KYAT1: variants seen among roughly 807,000 people sequenced by gnomAD.
The protein encoded by KYAT1 is kynurenine aminotransferase 1, also known as kynurenine--oxoglutarate transaminase 1.
Under a neutral mutation model 52.4 loss-of-function variants are expected in KYAT1, and 47 were observed. The observed-to-expected ratio is 0.90, with a 90% CI of 0.71 to 1.14. The LOEUF is 1.14. Ranked by LOEUF, KYAT1 falls within the 50% of genes most tolerant of loss-of-function variation. The pLI is 0.00. For missense variants in KYAT1, 480 were observed against 557.9 expected, an observed-to-expected ratio of 0.86 and a Z score of 1.41; for synonymous variants, 212 against 209.6, an observed-to-expected ratio of 1.01 and a Z score of -0.10.
chr9:128,835,422 C>T lies in KYAT1; in HGVS notation c.1043-20G>A, dbSNP rs749938698. Reference sequence around the variant, plus strand: ...TCCTCTCTGGGAGACAGAGGCCACACTGAGCCCCCTGCAGCCTCCAGCCCC... The same window carrying T: ...TCCTCTCTGGGAGACAGAGGCCACATTGAGCCCCCTGCAGCCTCCAGCCCC... On this transcript the variant is annotated intron_variant, in intron 10 of 12. Coordinates refer to ENST00000302586, the MANE Select transcript of KYAT1 (RefSeq NM_004059.5). 1.1e-5 allele frequency: 17 copies of T among 1,613,678 alleles called. No homozygotes were observed. The African/African-American group carries it at 2.1e-4, about 20-fold the overall frequency.
At chr9:128,869,828 A>T (rs1046963373) in intron 1 of KYAT1, among the ~76,000 whole-genome samples, 3 of 150,562 alleles carry the variant, frequency 2.0e-5, no homozygotes, top group African/African-American at 7.3e-5. Flanking sequence ...ATCTTAGCTC[A>T]CTGCAACCTC....
intron 5 of KYAT1, 97 bp downstream of exon 5, chr9:128,837,954 T>C (rs1831423771): frequency 6.7e-7 from 1 of 1,499,572 alleles, no homozygotes. Flanking sequence ...AGGAACTGGC[T>C]TCCTTCACTT....
chr9:128,878,001 A>G (rs1838276916), intron 1 of KYAT1, among the ~76,000 whole-genome samples: 1 of 152,174 alleles, frequency 6.6e-6, no homozygotes, highest in African/African-American at 2.4e-5. Context: ...TAAACTAGCT[A>G]TGGGACCTTG....
intron 1 of KYAT1, among the ~76,000 whole-genome samples, chr9:128,881,265 T>C (rs1838845443): frequency 6.6e-6 from 1 of 151,982 alleles, no homozygotes; most frequent in African/African-American, 2.4e-5. Flanking sequence ...GTATTTTTAG[T>C]AGAGATGAGG....
At chr9:128,846,625 A>AT in intron 1 of KYAT1, 14 of 843,964 alleles carry the variant, frequency 1.7e-5, no homozygotes, top group South Asian at 2.5e-5. Flanking sequence ...AAAAAAAAAA[A>AT]GAAAGAAAGA....
chr9:128,854,810 G>A (rs1332184491), intron 1 of KYAT1, among the ~76,000 whole-genome samples: 1 of 151,976 alleles, frequency 6.6e-6, no homozygotes, highest in South Asian at 2.1e-4. Flanking sequence ...ACAGATGACC[G>A]CGGCCCTGCC....
At chr9:128,862,276 C>T (rs1308131384) in intron 1 of KYAT1, among the ~76,000 whole-genome samples, 3 of 152,166 alleles carry the variant, frequency 2.0e-5, no homozygotes, top group African/African-American at 7.2e-5. Context: ...GCTGGGATTA[C>T]AAATGTGAGC....
In KYAT1 at chr9:128,836,893, C is replaced by T; in HGVS notation, c.597G>A (p.Val199=). 6.2e-7 allele frequency: 1 copy of T among 1,613,646 alleles called. No homozygotes were observed. Among genetic ancestry groups the T allele is most frequent in the Non-Finnish European group, 8.5e-7 (1 of 1,179,976 alleles). ...KVFSREELEL[V]ASLCQQHDVV... is the part of the protein sequence containing the mutation. Reference sequence around the variant, plus strand: ...CGTCATGCTGCTGGCAAAGGCTGGCCACCAGCTCCAGCTCTTCCCTGGAGA... The same window carrying T: ...CGTCATGCTGCTGGCAAAGGCTGGCTACCAGCTCCAGCTCTTCCCTGGAGA... The change falls in exon 7 of 13, where the codon GTG becomes GTA. Residue 199 remains valine, a synonymous_variant. Coordinates refer to ENST00000302586, the MANE Select transcript of KYAT1 (RefSeq NM_004059.5).
At chr9:128,840,624 T>G (rs1346003555) in intron 3 of KYAT1, 2 of 443,978 alleles carry the variant, frequency 4.5e-6, no homozygotes, top group African/African-American at 4.2e-5. Flanking sequence ...AATGATTTTT[T>G]TTTTTTTTGG....
At chr9:128,878,488 G>A (rs748922272) in intron 1 of KYAT1, among the ~76,000 whole-genome samples, 11 of 151,980 alleles carry the variant, frequency 7.2e-5, no homozygotes, top group Non-Finnish European at 1.2e-4. Flanking sequence ...TAGTAACCAA[G>A]CAAAATGAAA....
intron 11 of KYAT1, 34 bp downstream of exon 11, chr9:128,835,289 C>T: frequency 6.3e-7 from 1 of 1,582,832 alleles, no homozygotes; most frequent in Non-Finnish European, 8.7e-7. Flanking sequence ...ACCTGTGAAA[C>T]CATACATGGC....
At position 128,835,983 on chromosome 9, in the gene KYAT1, C is replaced by T. The variant is rs1385880605; in HGVS notation, c.765+14G>A. The T allele has an allele frequency of 3.1e-6, 5 of 1,610,298 alleles. No homozygotes were observed. Among genetic ancestry groups the T allele is most frequent in the Non-Finnish European group, 4.2e-6 (5 of 1,176,770 alleles). On this transcript the variant is annotated intron_variant, in intron 8 of 12. Coordinates refer to ENST00000302586, the MANE Select transcript of KYAT1 (RefSeq NM_004059.5). ...CTTGCAGGGGGTGGTGACCTCCCAC[C>T]CTCAGCAACTCACCTTCCAGCCAGT... is the stretch of plus-strand genomic sequence containing the variant.
At chr9:128,856,267 A>T (rs1192522036) in intron 1 of KYAT1, among the ~76,000 whole-genome samples, 1 of 152,222 alleles carries the variant, frequency 6.6e-6, no homozygotes, top group Non-Finnish European at 1.5e-5. Context: ...GGCCTCACAA[A>T]TCTTAACCCC....
At chr9:128,863,867 G>C (rs1229033880) in intron 1 of KYAT1, among the ~76,000 whole-genome samples, 1 of 152,134 alleles carries the variant, frequency 6.6e-6, no homozygotes, top group Non-Finnish European at 1.5e-5. Context: ...AAAGCAGGGA[G>C]GGTGCTGCTC....
Position 128,838,314 on chromosome 9 carries a change from A to C in KYAT1, c.255T>G (p.Gly85=). The C allele has an allele frequency of 6.2e-7, 1 of 1,614,120 alleles. No homozygotes were observed. The change falls in exon 4 of 13, where the codon GGT becomes GGG. Residue 85 remains glycine (G), a synonymous_variant. Coordinates refer to ENST00000302586, the MANE Select transcript of KYAT1 (RefSeq NM_004059.5). ...CATTCCTGAGCGGGTCTATCTCCTG[A>C]CCCAGCAGCTCCCCAAAGAAACTTG... ...ILASFFGELL[G]QEIDPLRNVL... is the part of the protein sequence containing the mutation.
intron 1 of KYAT1, among the ~76,000 whole-genome samples, chr9:128,880,079 G>A (rs1044756625): frequency 5.3e-5 from 8 of 152,158 alleles, no homozygotes; most frequent in Non-Finnish European, 1.0e-4. Context: ...ACTTATCTGC[G>A]TGTAAAATAC....
intron 1 of KYAT1, among the ~76,000 whole-genome samples, chr9:128,876,875 C>T (rs571029912): frequency 4.0e-5 from 6 of 151,672 alleles, no homozygotes; most frequent in African/African-American, 1.2e-4. Flanking sequence ...TACAGGTGCA[C>T]GCCACCACGC....
chr9:128,839,287 GA>G (rs1831706410), intron 3 of KYAT1, among the ~76,000 whole-genome samples: 1 of 152,126 alleles, frequency 6.6e-6, no homozygotes, highest in Non-Finnish European at 1.5e-5. Flanking sequence ...TTGACAGGTA[GA>G]AAAATAGAGA....
In KYAT1 at chr9:128,836,038, T is replaced by C. The variant is rs370634792; in HGVS notation, c.724A>G (p.Ile242Val). 2.2e-5 allele frequency: 35 copies of C among 1,613,742 alleles called. 1 individual carries two copies. The African/African-American group carries it at 3.6e-4, about 17-fold the overall frequency. ...CTGAAGGTCTTGCCGGCGCTGCCGATGGTCAGGGTCCGTTCCCACATGCCA... is the reference window on the plus strand; with the variant it reads ...CTGAAGGTCTTGCCGGCGCTGCCGACGGTCAGGGTCCGTTCCCACATGCCA... ...LPGMWERTLTIGSAGKTFSAT... is the reference protein window; with the variant it reads ...LPGMWERTLTVGSAGKTFSAT... Residue 242 changes from isoleucine to valine, a missense_variant, in exon 8 of 13, where the codon ATC becomes GTC. Transcript: ENST00000302586.
Sources: allele counts gnomAD v4.1 joint callset (sites outside exome capture counted in the v4.1 genomes callset), GRCh38; gene constraint gnomAD v4.1.1; transcripts MANE v1.5; gene names NCBI Gene and HGNC (gene_info 2026-07-23, HGNC 2026-07-21).